SPAG16: variants seen among roughly 807,000 people sequenced by gnomAD.
The protein encoded by SPAG16 is sperm associated antigen 16.
In SPAG16, 86 loss-of-function variants were observed where a neutral mutation model predicts 80.4. That is an observed-to-expected ratio of 1.07 (90% confidence interval 0.90 to 1.28). The LOEUF is 1.28. Among genes scored for constraint, SPAG16 ranks in the 50% most tolerant of loss-of-function variants. The pLI, the probability that SPAG16 is intolerant of heterozygous loss-of-function variation, is 0.00. For missense variants in SPAG16, 870 were observed against 765.3 expected (o/e 1.14, Z -1.61); for synonymous variants, 294 against 265.9 (o/e 1.11, Z -1.03).
chr2:213,894,123 T>C (rs1296307445), intron 11 of SPAG16, among the ~76,000 whole-genome samples: 1 of 152,058 alleles, frequency 6.6e-6, no homozygotes, highest in African/African-American at 2.4e-5. Flanking sequence ...AAACTACAGA[T>C]TAAAGGCTAT....
chr2:213,740,625 G>A (rs559620299), intron 10 of SPAG16, among the ~76,000 whole-genome samples: 63 of 152,326 alleles, frequency 4.1e-4, no homozygotes, highest in African/African-American at 1.5e-3. Flanking sequence ...GGCATCATAT[G>A]CCACAGACTT....
At chr2:213,332,808 T>C (rs1336900517) in intron 5 of SPAG16, among the ~76,000 whole-genome samples, 2 of 152,120 alleles carry the variant, frequency 1.3e-5, no homozygotes, top group Non-Finnish European at 2.9e-5. Context: ...GAGAAAAATT[T>C]AATACAATTC....
intron 10 of SPAG16, among the ~76,000 whole-genome samples, chr2:213,605,731 G>A (rs937074966): frequency 1.3e-5 from 2 of 151,922 alleles, no homozygotes; most frequent in Non-Finnish European, 2.9e-5. Context: ...CTTCGTGATC[G>A]GCCTGCCTCG....
intron 12 of SPAG16, among the ~76,000 whole-genome samples, chr2:213,964,317 T>A (rs2044600318): frequency 6.6e-6 from 1 of 152,186 alleles, no homozygotes; most frequent in South Asian, 2.1e-4. Flanking sequence ...TCTATTTATA[T>A]TTATTTGTAT....
chr2:213,904,794 A>G (rs1021428745), intron 11 of SPAG16, among the ~76,000 whole-genome samples: 3 of 152,044 alleles, frequency 2.0e-5, no homozygotes, highest in Non-Finnish European at 2.9e-5. Context: ...TTATGTGGCT[A>G]GAGTAGAAGG....
At chr2:214,043,568 A>G (rs9288485) in intron 13 of SPAG16, among the ~76,000 whole-genome samples, 18,110 of 152,068 alleles carry the variant, frequency 0.12, 1,361 homozygotes, top group East Asian at 0.29. Flanking sequence ...AATTGTCAGA[A>G]AAATTGATGT....
chr2:214,334,849 T>C (rs1413324928), intron 15 of SPAG16, among the ~76,000 whole-genome samples: 1 of 152,220 alleles, frequency 6.6e-6, no homozygotes, highest in Non-Finnish European at 1.5e-5. Flanking sequence ...CCAGCATTAA[T>C]GGGGTCCTCA....
At chr2:213,716,472 G>A (rs1258658576) in intron 10 of SPAG16, among the ~76,000 whole-genome samples, 1 of 152,156 alleles carries the variant, frequency 6.6e-6, no homozygotes, top group Non-Finnish European at 1.5e-5. Context: ...GAGAAAGAAA[G>A]TAACAACTAT....
At chr2:214,331,948 A>C (rs1404482061) in intron 15 of SPAG16, among the ~76,000 whole-genome samples, 1 of 152,214 alleles carries the variant, frequency 6.6e-6, no homozygotes, top group East Asian at 1.9e-4. Flanking sequence ...CAGGATAGAA[A>C]GTGTCTAATA....
chr2:213,541,771 C>G (rs761703367), intron 10 of SPAG16, among the ~76,000 whole-genome samples: 5 of 152,212 alleles, frequency 3.3e-5, no homozygotes, highest in Non-Finnish European at 7.3e-5. Flanking sequence ...GTTTGTTTCT[C>G]TTCTGCAAAA....
chr2:214,100,539 T>C (rs1224322313), intron 13 of SPAG16, among the ~76,000 whole-genome samples: 2 of 152,084 alleles, frequency 1.3e-5, no homozygotes, highest in Non-Finnish European at 2.9e-5. Flanking sequence ...TCTCCCACCT[T>C]CCACCCTCAT....
At chr2:213,961,291 T>A (rs2044404627) in intron 12 of SPAG16, among the ~76,000 whole-genome samples, 1 of 152,216 alleles carries the variant, frequency 6.6e-6, no homozygotes, top group South Asian at 2.1e-4. Flanking sequence ...TATTAGTTTT[T>A]ACAGTTTTAT....
intron 10 of SPAG16, among the ~76,000 whole-genome samples, chr2:213,715,583 TAC>T (rs1195630689): frequency 4.6e-5 from 7 of 152,294 alleles, no homozygotes; most frequent in African/African-American, 1.7e-4. Flanking sequence ...CCTCATGGTA[TAC>T]ATTGAGTGAA....
At chr2:213,976,135 T>TATACACACACACACAC (rs749957411) in intron 12 of SPAG16, among the ~76,000 whole-genome samples, 101 of 81,402 alleles carry the variant, frequency 1.2e-3, no homozygotes, top group African/African-American at 3.7e-3. Flanking sequence ...TATATATATA[T>TATACACACACACACAC]ACACACACAC....
At chr2:214,001,501 A>G (rs1244804583) in intron 12 of SPAG16, among the ~76,000 whole-genome samples, 1 of 152,228 alleles carries the variant, frequency 6.6e-6, no homozygotes, top group East Asian at 1.9e-4. Flanking sequence ...TCATAGTTCC[A>G]CATCATAAGG....
At chr2:213,792,447 A>G (rs939742898) in intron 10 of SPAG16, among the ~76,000 whole-genome samples, 2 of 152,012 alleles carry the variant, frequency 1.3e-5, no homozygotes, top group Admixed American at 1.3e-4. Flanking sequence ...TTGATTTTTC[A>G]TGTCAGTTCA....
chr2:214,040,107 T>C (rs1243277718), intron 13 of SPAG16, among the ~76,000 whole-genome samples: 1 of 152,172 alleles, frequency 6.6e-6, no homozygotes. Flanking sequence ...GCTTCTGCAA[T>C]AGTGATGTTA....
chr2:214,216,810 C>T (rs2058443818), intron 15 of SPAG16, among the ~76,000 whole-genome samples: 1 of 152,132 alleles, frequency 6.6e-6, no homozygotes, highest in African/African-American at 2.4e-5. Flanking sequence ...TTTCAATGTT[C>T]TGAACATCTA....
Position 213,637,989 on chromosome 2 carries a change from C to G in SPAG16, c.1070+147899C>G, listed in dbSNP as rs7593384. Among the ~76,000 whole-genome samples, 1,295 of 152,224 alleles carry G rather than the reference C, an allele frequency of 8.5e-3. 26 individuals carry two copies. Among genetic ancestry groups the G allele is most frequent in the African/African-American group, 0.03 (1,238 of 41,540 alleles). ...AGCCAGGATGGTCTCGATTTCCTGA[C>G]CTCGTGATCCGCCCGTCTTGGCCTC... is the stretch of plus-strand genomic sequence containing the variant. On this transcript the variant is annotated intron_variant, in intron 10 of 15. Coordinates refer to ENST00000331683, the MANE Select transcript of SPAG16 (RefSeq NM_024532.5).
Sources: allele counts gnomAD v4.1 joint callset (sites outside exome capture counted in the v4.1 genomes callset), GRCh38; gene constraint gnomAD v4.1.1; transcripts MANE v1.5; gene names NCBI Gene and HGNC (gene_info 2026-07-23, HGNC 2026-07-21).